The following PIK3C2B variants were observed in gnomAD, a reference collection of about 807,000 sequenced individuals.
The protein encoded by PIK3C2B is phosphatidylinositol 4-phosphate 3-kinase C2 domain-containing subunit beta.
PIK3C2B carries 83 observed loss-of-function variants against 184.3 expected under a neutral mutation model. The ratio of observed to expected loss-of-function variants is 0.45; its 90% CI spans 0.38 to 0.54. The LOEUF is 0.54. Among genes scored for constraint, PIK3C2B ranks in the 20% least tolerant of loss-of-function variants. PIK3C2B has a pLI of 0.00. For missense variants in PIK3C2B, 1,736 were observed against 2,113.5 expected (o/e 0.82, Z 3.50); for synonymous variants, 779 against 837.6 (o/e 0.93, Z 1.21).
At chr1:204,482,298 A>T (rs1657232791) in intron 1 of PIK3C2B, among the ~76,000 whole-genome samples, 1 of 152,212 alleles carries the variant, frequency 6.6e-6, no homozygotes, top group East Asian at 1.9e-4. Flanking sequence ...TTCTTAGCCC[A>T]GGTTGATCCA....
In PIK3C2B at chr1:204,469,114, C is replaced by G. The variant is rs904536619; in HGVS notation, c.689G>C (p.Gly230Ala). 6.2e-7 allele frequency: 1 copy of G among 1,614,160 alleles called. No homozygotes were observed. Among genetic ancestry groups the G allele is most frequent in the African/African-American group, 1.3e-5 (1 of 75,052 alleles). ...GRLLGSVDYD[G>A]INDAITRLNL... is the part of the protein sequence containing the mutation. Reference sequence around the variant, plus strand: ...GAGCCTAGTAATTGCATCATTGATACCATCATAGTCCACAGACCCCAGTAG... The same window carrying G: ...GAGCCTAGTAATTGCATCATTGATAGCATCATAGTCCACAGACCCCAGTAG... Residue 230 changes from glycine to alanine, a missense_variant, in exon 2 of 33, where the codon GGT (glycine) becomes GCT (alanine). Physicochemically the swap from Gly to Ala is moderately conservative, Grantham distance 60. This residue lies in a region of PIK3C2B where 404 missense variants were observed against 418.0 expected (regional missense o/e 0.97). Coordinates refer to ENST00000684373, the MANE Select transcript of PIK3C2B (RefSeq NM_001377334.1).
At chr1:204,460,083 CATA>C (rs1422453016) in intron 7 of PIK3C2B, 142 bp from the exon 8 acceptor site, 4 of 718,816 alleles carry the variant, frequency 5.6e-6, no homozygotes, top group South Asian at 3.4e-5. Flanking sequence ...CCTGTGAAGA[CATA>C]TAGAGGGAGA....
At chr1:204,484,697 G>A (rs1241238682) in intron 1 of PIK3C2B, among the ~76,000 whole-genome samples, 2 of 151,836 alleles carry the variant, frequency 1.3e-5, no homozygotes, top group African/African-American at 4.8e-5. Context: ...TCGTGCCACT[G>A]CACTCCAGCC....
At chr1:204,446,614 G>C (rs929514588) in intron 15 of PIK3C2B, among the ~76,000 whole-genome samples, 2 of 151,706 alleles carry the variant, frequency 1.3e-5, no homozygotes, top group Non-Finnish European at 2.9e-5. Flanking sequence ...AGGCCTCCTG[G>C]GGCCTCCAGG....
chr1:204,492,177 T>C (rs1658053332), intron 1 of PIK3C2B, among the ~76,000 whole-genome samples: 1 of 152,170 alleles, frequency 6.6e-6, no homozygotes, highest in African/African-American at 2.4e-5. Flanking sequence ...AAGTACTCTG[T>C]AGTTTTCAGG....
Position 204,469,174 on chromosome 1 carries a change from T to C in PIK3C2B, c.629A>G (p.Glu210Gly), listed in dbSNP as rs1468012564. 6.2e-7 allele frequency: 1 copy of C among 1,613,834 alleles called. No homozygotes were observed. The highest frequency in any genetic ancestry group is 1.7e-5 in the Admixed American group (1 of 59,992). ...GKLLEHRILEEEEVLGGGGQG... is the reference protein window; with the variant it reads ...GKLLEHRILEGEEVLGGGGQG... ...ACCCCCACCTCCCAGCACCTCTTCC[T>C]CTTCTAGGATCCGATGCTCTAGCAG... is the stretch of plus-strand genomic sequence containing the variant. The change falls in exon 2 of 33, where the codon GAG becomes GGG. Residue 210 changes from glutamate (E) to glycine (G), a missense_variant. This residue lies in a region of PIK3C2B where 404 missense variants were observed against 418.0 expected (regional missense o/e 0.97). Transcript: ENST00000684373.
intron 1 of PIK3C2B, among the ~76,000 whole-genome samples, chr1:204,493,064 G>C (rs562930537): frequency 6.6e-6 from 1 of 152,142 alleles, no homozygotes; most frequent in Non-Finnish European, 1.5e-5. Context: ...CTCTGGGATC[G>C]GCAGCTGGAG....
rs1419391457 is a variant in PIK3C2B at position 204,443,551 on chromosome 1, G to C, written c.2914C>G (p.Gln972Glu). 1 of 1,614,220 alleles carries C rather than the reference G, an allele frequency of 6.2e-7. No homozygotes were observed. The highest frequency in any genetic ancestry group is 1.1e-5 in the South Asian group (1 of 91,086). The change falls in exon 19 of 33, where the codon CAG (glutamine) becomes GAG (glutamate). Residue 972 changes from glutamine to glutamate, a missense_variant. By Grantham distance (29) the Gln-to-Glu change is conservative. Coordinates refer to ENST00000684373, the MANE Select transcript of PIK3C2B (RefSeq NM_001377334.1). The stretch of plus-strand genomic sequence containing the variant: ...CACAGTAAGGCTGCCAGCAGATACT[G>C]GTAGCGGATGCTGAACTGAGAGTCC... The part of the protein sequence containing the change: ...LKDSQFSIRY[Q>E]YLLAALLCCC...
Position 204,428,209 on chromosome 1 carries a change from C to A in PIK3C2B, c.4410G>T (p.Val1470=), listed in dbSNP as rs967240027. Residue 1470 remains valine, a synonymous_variant, in exon 30 of 33, where the codon GTG becomes GTT. Coordinates refer to ENST00000684373, the MANE Select transcript of PIK3C2B (RefSeq NM_001377334.1). ...GGGGCAGTGGGTGGAAGAAGGTGTACACCAAATCACACTGGAACAGAATCA... is the reference window on the plus strand; with the variant it reads ...GGGGCAGTGGGTGGAAGAAGGTGTAAACCAAATCACACTGGAACAGAATCA... ...APPEVAECDL[V]YTFFHPLPRD... is the part of the protein sequence containing the mutation. 1 of 1,608,496 alleles carries A rather than the reference C, an allele frequency of 6.2e-7. No homozygotes were observed. Among genetic ancestry groups the A allele is most frequent in the South Asian group, 1.1e-5 (1 of 90,854 alleles).
chr1:204,430,013 G>C lies in PIK3C2B; in HGVS notation c.4306C>G (p.Arg1436Gly). 2 of 1,610,296 alleles carry C rather than the reference G, an allele frequency of 1.2e-6. No individual in the cohort carries two copies. The highest frequency in any genetic ancestry group is 1.7e-6 in the Non-Finnish European group (2 of 1,179,818). The change falls in exon 29 of 33, where the codon CGC (arginine) becomes GGC (glycine). Residue 1436 changes from arginine to glycine, a missense_variant. Transcript: ENST00000684373. ...PSFPSRFVIGRSRGEAVAERR... is the reference protein window; with the variant it reads ...PSFPSRFVIGGSRGEAVAERR... ...TCGGCCACCGCCTCTCCCCGGGAGC[G>C]GCCGATCACGAAGCGACTAGGGAAG...
rs1038921221 is a variant in PIK3C2B, at chr1:204,428,354, T to C, written c.4399-134A>G. The C allele has an allele frequency of 9.7e-6, 6 of 616,816 alleles. No homozygotes were observed. In the Admixed American group the frequency reaches 1.1e-4, roughly 12 times the overall value. 38.2% of individuals were successfully genotyped at this position (616,816 alleles called of 1,614,324 possible). A position where few individuals can be genotyped will look rare whatever the true frequency, so the allele number is the denominator to read the frequency against. ...CAACATGCAGTTCTTATGTGGATTA[T>C]AGCTCTAACAAGCCAACAGTAAAAG... On this transcript the variant is annotated intron_variant, in intron 29 of 32. Transcript: ENST00000684373.
At chr1:204,459,809 C>T in intron 8 of PIK3C2B, 69 bp downstream of exon 8, 1 of 1,311,668 alleles carries the variant, frequency 7.6e-7, no homozygotes, top group Non-Finnish European at 1.1e-6. Flanking sequence ...TGGGTGATCC[C>T]AGGAGGACTG....
chr1:204,453,068 A>T (rs1329060463), intron 12 of PIK3C2B, among the ~76,000 whole-genome samples: 5 of 152,138 alleles, frequency 3.3e-5, no homozygotes, highest in African/African-American at 1.2e-4. Context: ...CAGCATCTCC[A>T]GATTCTTCAT....
Position 204,457,765 on chromosome 1 carries a change from G to A in PIK3C2B, c.1676C>T (p.Pro559Leu). ...PEITSALNQL[P>L]PCPSRMQPKI... is the part of the protein sequence containing the mutation. The stretch of plus-strand genomic sequence containing the variant: ...AGGCTGCATGCGGGAGGGGCAGGGG[G>A]GCAGCTGGTTGAGAGCACTGGTGAT... The change falls in exon 9 of 33, where the codon CCC (proline) becomes CTC (leucine). Residue 559 changes from proline (P) to leucine (L), a missense_variant. Around this residue, in one of 8 missense-constraint regions of PIK3C2B, gnomAD observed 609 missense variants for 699.2 expected, o/e 0.87. Coordinates refer to ENST00000684373, the MANE Select transcript of PIK3C2B (RefSeq NM_001377334.1). 8.1e-6 allele frequency: 13 copies of A among 1,612,686 alleles called. No homozygotes were observed. The highest frequency in any genetic ancestry group is 1.1e-5 in the Non-Finnish European group (13 of 1,179,386).
chr1:204,444,030 C>T lies in PIK3C2B; in HGVS notation c.2867+38G>A. The T allele has an allele frequency of 2.2e-6, 3 of 1,362,678 alleles. No individual in the cohort carries two copies. In the Middle Eastern group the frequency reaches 5.4e-4, roughly 244 times the overall value. The allele number at this position is 1,362,678 out of a possible 1,614,324, so 84.4% of individuals were successfully genotyped here. A position where few individuals can be genotyped will look rare whatever the true frequency, so the allele number is the denominator to read the frequency against. On this transcript the variant is annotated intron_variant, in intron 18 of 32. Coordinates refer to ENST00000684373, the MANE Select transcript of PIK3C2B (RefSeq NM_001377334.1). The stretch of plus-strand genomic sequence containing the variant: ...GAGTGAAATACTCCTACGTGAAAGA[C>T]ACGTGTCTACCTCCCACTTTTCTAC...
In PIK3C2B at chr1:204,433,755, T is replaced by C; in HGVS notation, c.3843+38A>G. On this transcript the variant is annotated intron_variant, in intron 25 of 32. Transcript: ENST00000684373. The surrounding 1 kb of genome is among the most constrained non-coding windows in gnomAD (Gnocchi z 5.0). ...AAGTCTTAAAGATGATGCCAGATAA[T>C]AAGAAGAAGGTATTCGGAAAGGGAT... The C allele has an allele frequency of 6.3e-7, 1 of 1,586,904 alleles. No homozygotes were observed. Among genetic ancestry groups the C allele is most frequent in the Non-Finnish European group, 8.6e-7 (1 of 1,156,334 alleles).
chr1:204,466,189 G>A (rs1558267575), intron 2 of PIK3C2B, among the ~76,000 whole-genome samples: 2 of 152,144 alleles, frequency 1.3e-5, no homozygotes, highest in African/African-American at 4.8e-5. Context: ...ACAGGTTTCT[G>A]CCTGAGGGGT....
chr1:204,470,769 G>T (rs1457301646), intron 1 of PIK3C2B, among the ~76,000 whole-genome samples: 8 of 152,176 alleles, frequency 5.3e-5, no homozygotes. Context: ...TTAAAAATGT[G>T]ATGTCTATAC....
intron 5 of PIK3C2B, among the ~76,000 whole-genome samples, chr1:204,463,704 C>T (rs1655517098): frequency 6.6e-6 from 1 of 151,288 alleles, no homozygotes. Flanking sequence ...TCCCCAAGCC[C>T]ACCCCTCCCC....
Sources: gnomAD v4.1 joint callset for allele counts (sites outside exome capture counted in the v4.1 genomes callset) on GRCh38, gnomAD v4.1.1 for gene constraint, gnomAD v4.1.1 regional missense constraint, Gnocchi (gnomAD v3.1) non-coding constraint, MANE v1.5 for transcripts, NCBI Gene and HGNC (gene_info 2026-07-23, HGNC 2026-07-21) for gene names.